Variants in THSD7A observed in about 807,000 individuals in gnomAD.
THSD7A encodes the protein thrombospondin type-1 domain-containing protein 7A.
Under a neutral mutation model 231.3 loss-of-function variants are expected in THSD7A, and 96 were observed. The observed-to-expected ratio is 0.41, with a 90% CI of 0.35 to 0.49. THSD7A has a LOEUF of 0.49. Ranked by LOEUF, THSD7A falls within the 20% of genes least tolerant of loss-of-function variation. THSD7A has a pLI of 0.05. For synonymous variants in THSD7A, 940 were observed against 743.3 expected, an observed-to-expected ratio of 1.26 and a Z score of -4.30; for missense variants, 2,290 against 2,070.2, an observed-to-expected ratio of 1.11 and a Z score of -2.06.
At chr7:11,508,125 A>C (rs1787633958) in intron 6 of THSD7A, among the ~76,000 whole-genome samples, 1 of 152,120 alleles carries the variant, frequency 6.6e-6, no homozygotes, top group South Asian at 2.1e-4. Context: ...GGGGTAAACC[A>C]CCCTCATGAT....
intron 9 of THSD7A, among the ~76,000 whole-genome samples, chr7:11,467,448 A>G (rs1785757003): frequency 6.6e-6 from 1 of 152,168 alleles, no homozygotes; most frequent in Admixed American, 6.6e-5. Context: ...CTATATGACC[A>G]TTAGTGTGCT....
At chr7:11,479,297 G>GAAAGTATA (rs771261043) in intron 7 of THSD7A, among the ~76,000 whole-genome samples, 6 of 152,174 alleles carry the variant, frequency 3.9e-5, no homozygotes, top group Admixed American at 6.5e-5. Flanking sequence ...TAAGATAAGT[G>GAAAGTATA]AAAGTATAGG....
chr7:11,382,758 G>T (rs1782570155), intron 23 of THSD7A, 142 bp from the exon 24 acceptor site: 6 of 710,154 alleles, frequency 8.4e-6, no homozygotes, highest in African/African-American at 3.5e-5. Context: ...TCCTGAAGTT[G>T]CCATGCATAT....
chr7:11,509,698 T>C (rs1787711630), intron 6 of THSD7A, among the ~76,000 whole-genome samples: 2 of 149,900 alleles, frequency 1.3e-5, no homozygotes, highest in Admixed American at 1.3e-4. Flanking sequence ...GGCGGGTGCC[T>C]GTAGTCCCAG....
At chr7:11,429,476 T>C (rs1939185640) in intron 13 of THSD7A, among the ~76,000 whole-genome samples, 5 of 152,176 alleles carry the variant, frequency 3.3e-5, no homozygotes, top group African/African-American at 1.2e-4. Flanking sequence ...TTATAACAGT[T>C]TTCTATAAAA....
chr7:11,627,938 C>T (rs1278041476), intron 2 of THSD7A, among the ~76,000 whole-genome samples: 1 of 151,804 alleles, frequency 6.6e-6, no homozygotes, highest in Non-Finnish European at 1.5e-5. Flanking sequence ...ATAAAATAAG[C>T]TAAAATCACT....
chr7:11,507,495 T>A (rs893164856), intron 6 of THSD7A, among the ~76,000 whole-genome samples: 16 of 152,136 alleles, frequency 1.1e-4, no homozygotes, highest in African/African-American at 3.9e-4. Flanking sequence ...TACTGACTTG[T>A]GTATGAAATA....
chr7:11,594,468 T>G lies in THSD7A; in HGVS notation c.1023-966A>C, dbSNP rs191352297. On this transcript the variant is annotated intron_variant, in intron 2 of 27. Coordinates refer to ENST00000423059, the MANE Select transcript of THSD7A (RefSeq NM_015204.3). ...AAAATGCTAAGGACTCTACTTCTAA[T>G]AGTATGGAGAACACTCATAGTCCTT... Among the ~76,000 whole-genome samples, 3 of 152,222 alleles carry G rather than the reference T, an allele frequency of 2.0e-5. No homozygotes were observed. In the East Asian group the frequency reaches 5.8e-4, roughly 30 times the overall value.
At chr7:11,807,427 T>C (rs1217510769) in intron 1 of THSD7A, among the ~76,000 whole-genome samples, 1 of 152,168 alleles carries the variant, frequency 6.6e-6, no homozygotes, top group African/African-American at 2.4e-5. Flanking sequence ...ACTATAATTA[T>C]TTTTGTAGTA....
rs1584115865 is a variant in THSD7A, at chr7:11,634,072, T to C, written c.1022+2058A>G. Among the ~76,000 whole-genome samples the C allele has an allele frequency of 3.3e-5, 5 of 152,146 alleles. No homozygotes were observed. The highest frequency in any genetic ancestry group is 2.1e-4 in the South Asian group (1 of 4,832). On this transcript the variant is annotated intron_variant, in intron 2 of 27. Coordinates refer to ENST00000423059, the MANE Select transcript of THSD7A (RefSeq NM_015204.3). The surrounding 1 kb of genome is among the most constrained non-coding windows in gnomAD (Gnocchi z 4.1). ...TCTGAGCAAAACGTAGGTCAAAATA[T>C]CTGATTTTTATCTCTTCTTCTCTAG...
intron 8 of THSD7A, among the ~76,000 whole-genome samples, chr7:11,471,726 T>C (rs75573506): frequency 4.6e-5 from 7 of 152,086 alleles, no homozygotes; most frequent in East Asian, 1.9e-4. Context: ...ATTTGAATCA[T>C]AGAAGCAAAT....
At chr7:11,441,916 G>T (rs1217106304) in intron 13 of THSD7A, among the ~76,000 whole-genome samples, 5 of 151,890 alleles carry the variant, frequency 3.3e-5, no homozygotes, top group Non-Finnish European at 7.4e-5. Flanking sequence ...AACCACCATG[G>T]CGTATGTATA....
At chr7:11,755,949 T>C (rs140368565) in intron 1 of THSD7A, among the ~76,000 whole-genome samples, 59 of 152,210 alleles carry the variant, frequency 3.9e-4, no homozygotes, top group African/African-American at 1.3e-3. Context: ...AAAGTAGTTC[T>C]GAAAAGATTG....
At chr7:11,716,187 T>A (rs1375681465) in intron 1 of THSD7A, among the ~76,000 whole-genome samples, 1 of 151,550 alleles carries the variant, frequency 6.6e-6, no homozygotes, top group African/African-American at 2.4e-5. Flanking sequence ...ATATGTCACA[T>A]GCTTCCACAC....
rs147639130 is a variant in THSD7A at position 11,447,799 on chromosome 7, T to C, written c.2606-375A>G. ...TTCTGATAATAGCTTATGTTGAGCA[T>C]AGGGTGTTTGGAGAGGGACTGGAAG... On this transcript the variant is annotated intron_variant, in intron 11 of 27. Coordinates refer to ENST00000423059, the MANE Select transcript of THSD7A (RefSeq NM_015204.3). Among the ~76,000 whole-genome samples, 468 of 152,302 alleles carry C rather than the reference T, an allele frequency of 3.1e-3. 3 individuals carry two copies. The highest frequency in any genetic ancestry group is 0.01 in the Middle Eastern group (3 of 294).
intron 13 of THSD7A, among the ~76,000 whole-genome samples, chr7:11,435,990 A>T (rs1784621217): frequency 6.6e-6 from 1 of 152,088 alleles, no homozygotes; most frequent in South Asian, 2.1e-4. Context: ...GTTAAAAAAG[A>T]AAATAAACTT....
Position 11,375,703 on chromosome 7 carries a change from A to T in THSD7A, c.*91T>A. ...ATTTTTAAAAATTAAAATATATTTT[A>T]ATCCACACAGTTTGGATACATTTGT... On this transcript the variant is annotated 3_prime_UTR_variant, in exon 28 of 28. Transcript: ENST00000423059. 1 of 1,036,234 alleles carries T rather than the reference A, an allele frequency of 9.7e-7. No individual in the cohort carries two copies. Among genetic ancestry groups the T allele is most frequent in the Non-Finnish European group, 1.5e-6 (1 of 684,832 alleles). 64.2% of individuals were successfully genotyped at this position (1,036,234 alleles called of 1,614,324 possible). A position where few individuals can be genotyped will look rare whatever the true frequency, so the allele number is the denominator to read the frequency against.
chr7:11,648,584 C>T (rs983491684), intron 1 of THSD7A, among the ~76,000 whole-genome samples: 2 of 150,996 alleles, frequency 1.3e-5, no homozygotes, highest in African/African-American at 4.9e-5. Context: ...AAGTTAGTGT[C>T]CAACATGCAA....
chr7:11,476,858 T>C (rs1319395889), intron 7 of THSD7A, among the ~76,000 whole-genome samples: 3 of 151,296 alleles, frequency 2.0e-5, no homozygotes, highest in Non-Finnish European at 4.4e-5. Context: ...AGCGATTATA[T>C]ACAAATTCAT....
Sources: gnomAD v4.1 joint callset for allele counts (sites outside exome capture counted in the v4.1 genomes callset) on GRCh38, gnomAD v4.1.1 for gene constraint, Gnocchi (gnomAD v3.1) non-coding constraint, MANE v1.5 for transcripts, NCBI Gene and HGNC (gene_info 2026-07-23, HGNC 2026-07-21) for gene names.